Variants in GPR89A observed in about 807,000 individuals in gnomAD.
The protein encoded by GPR89A is G protein-coupled receptor 89A.
GPR89A carries 16 observed loss-of-function variants against 52.0 expected under a neutral mutation model. That is an observed-to-expected ratio of 0.31 (90% confidence interval 0.21 to 0.47). The LOEUF (loss-of-function observed/expected upper bound fraction) is 0.47, where lower values mean the gene tolerates loss of function less well. Ranked by LOEUF, GPR89A falls within the 20% of genes least tolerant of loss-of-function variation. The pLI is 1.00. For synonymous variants in GPR89A, 55 were observed against 150.9 expected (o/e 0.36, Z 4.66); for missense variants, 135 against 449.4 (o/e 0.30, Z 6.33).
At chr1:145,667,366 T>G (rs587691994) in intron 12 of GPR89A, among the ~76,000 whole-genome samples, 1 of 152,256 alleles carries the variant, frequency 6.6e-6, no homozygotes, top group Non-Finnish European at 1.5e-5. Context: ...ATGTGTCTGT[T>G]GGCTGCACAT....
chr1:145,665,853 G>A (rs1652518323), intron 12 of GPR89A, among the ~76,000 whole-genome samples: 1 of 149,390 alleles, frequency 6.7e-6, no homozygotes, highest in Admixed American at 6.7e-5. Context: ...AATTAGCTGG[G>A]TGTGGTGGCA....
chr1:145,645,982 C>T (rs1650957444), intron 8 of GPR89A: 1 of 651,388 alleles, frequency 1.5e-6, no homozygotes, highest in Non-Finnish European at 2.7e-6. Flanking sequence ...GGTGGCGATG[C>T]TCTTGATGGA....
intron 10 of GPR89A, among the ~76,000 whole-genome samples, chr1:145,660,915 A>G (rs1340818887): frequency 1.3e-5 from 2 of 151,846 alleles, no homozygotes; most frequent in African/African-American, 4.8e-5. Context: ...TCAGGGATCT[A>G]GAACTAGAAA....
At chr1:145,636,082 A>G (rs1268437229) in intron 7 of GPR89A, among the ~76,000 whole-genome samples, 5 of 152,116 alleles carry the variant, frequency 3.3e-5, no homozygotes, top group Non-Finnish European at 7.3e-5. Context: ...TTCCCCTATA[A>G]TGCATTGTCT....
Position 145,647,835 on chromosome 1 carries a change from T to C in GPR89A, c.909+568T>C, listed in dbSNP as rs1299821784. 6.0e-3 allele frequency among the ~76,000 whole-genome samples: 29 copies of C among 4,814 alleles called. 4 individuals are homozygous for C. Among genetic ancestry groups the C allele is most frequent in the Admixed American group, 0.016 (5 of 316 alleles). The allele number at this position is 4,814 out of a possible 152,430, so 3.2% of individuals were successfully genotyped here. On this transcript the variant is annotated intron_variant, in intron 10 of 13. Coordinates refer to ENST00000313835, the MANE Select transcript of GPR89A (RefSeq NM_001097612.2). ...TCTCTTCGTCGTCGTCGACTCTCTCTCTCTCTCTCCTCCTCCTCTCTCTCT... is the reference window on the plus strand; with the variant it reads ...TCTCTTCGTCGTCGTCGACTCTCTCCCTCTCTCTCCTCCTCCTCTCTCTCT...
At chr1:145,611,291 G>C (rs1331135906) in intron 1 of GPR89A, among the ~76,000 whole-genome samples, 1 of 151,340 alleles carries the variant, frequency 6.6e-6, no homozygotes, top group Non-Finnish European at 1.5e-5. Flanking sequence ...CGGTCACCCA[G>C]GTACTGAGCA....
chr1:145,650,005 G>T, intron 10 of GPR89A, among the ~76,000 whole-genome samples: 1 of 145,720 alleles, frequency 6.9e-6, no homozygotes. Context: ...TAAGTTCTGA[G>T]GTACATGTGC....
intron 1 of GPR89A, among the ~76,000 whole-genome samples, chr1:145,615,036 T>G (rs1341700800): frequency 6.6e-6 from 1 of 152,192 alleles, no homozygotes; most frequent in African/African-American, 2.4e-5. Context: ...CTAGCCAGTT[T>G]AAGAAGAAAA....
At chr1:145,646,010 G>A in intron 8 of GPR89A, 174 bp from the exon 9 acceptor site, 1 of 787,402 alleles carries the variant, frequency 1.3e-6, no homozygotes, top group Non-Finnish European at 2.1e-6. Context: ...TTACACACCT[G>A]CGTCAGAGGT....
chr1:145,650,221 T>C (rs1553693333), intron 10 of GPR89A, among the ~76,000 whole-genome samples: 1 of 150,566 alleles, frequency 6.6e-6, no homozygotes, highest in African/African-American at 2.4e-5. Flanking sequence ...CACTTATAAG[T>C]GAGAACATGT....
intron 3 of GPR89A, among the ~76,000 whole-genome samples, chr1:145,622,713 T>G (rs2101750587): frequency 7.9e-6 from 1 of 126,574 alleles, no homozygotes. Context: ...TACATTGGAA[T>G]GAGATTCCTA....
At position 145,608,146 on chromosome 1, in the gene GPR89A, A is replaced by G. The variant is rs1228562311; in HGVS notation, c.13A>G (p.Ile5Val). The G allele has an allele frequency of 6.2e-7, 1 of 1,613,376 alleles. No individual in the cohort carries two copies. Among genetic ancestry groups the G allele is most frequent in the African/African-American group, 1.3e-5 (1 of 74,494 alleles). ...CTTACACTTCGCCATGAGTTTCCTC[A>G]TCGACTCCAGCATCATGATTACCTC... Reference protein sequence around the residue: MSFLIDSSIMITSQI... With the variant: MSFLVDSSIMITSQI... The change falls in exon 1 of 14, where the codon ATC becomes GTC. Residue 5 changes from isoleucine (I) to valine (V), a missense_variant. Physicochemically the swap from Ile to Val is conservative, Grantham distance 29 (BLOSUM62 3). Transcript: ENST00000313835.
intron 5 of GPR89A, among the ~76,000 whole-genome samples, chr1:145,627,862 G>A (rs1157548679): frequency 0.02 from 2,927 of 147,716 alleles, 118 homozygotes; most frequent in African/African-American, 0.074. Flanking sequence ...AGAAGGCACA[G>A]GAGACATCAT....
chr1:145,635,576 G>A (rs1650178841), intron 7 of GPR89A, among the ~76,000 whole-genome samples: 1 of 152,124 alleles, frequency 6.6e-6, no homozygotes, highest in Non-Finnish European at 1.5e-5. Context: ...TTAAAAAGTA[G>A]AGCAAGATTA....
intron 10 of GPR89A, among the ~76,000 whole-genome samples, chr1:145,655,578 C>G (rs71665920): frequency 0.046 from 6,995 of 151,850 alleles, 447 homozygotes; most frequent in African/African-American, 0.16. Flanking sequence ...CATTTGTTGG[C>G]GGTCGAATCC....
At chr1:145,661,712 CTT>C (rs1652214500) in intron 10 of GPR89A, among the ~76,000 whole-genome samples, 1 of 150,896 alleles carries the variant, frequency 6.6e-6, no homozygotes, top group South Asian at 2.1e-4. Flanking sequence ...TTTTGAGTCT[CTT>C]TTTCTAATTT....
intron 7 of GPR89A, among the ~76,000 whole-genome samples, chr1:145,635,913 T>G (rs1389394753): frequency 2.0e-5 from 3 of 151,642 alleles, no homozygotes; most frequent in Non-Finnish European, 4.4e-5. Flanking sequence ...GAGCCGAGAT[T>G]ACACCACTGC....
At chr1:145,626,892 G>T (rs1336544547) in intron 5 of GPR89A, among the ~76,000 whole-genome samples, 2 of 141,936 alleles carry the variant, frequency 1.4e-5, no homozygotes, top group Non-Finnish European at 3.0e-5. Context: ...GGCTGAGGTT[G>T]CAGTGAGCCG....
intron 10 of GPR89A, among the ~76,000 whole-genome samples, chr1:145,649,154 G>A (rs1452613082): frequency 2.0e-5 from 3 of 151,980 alleles, no homozygotes; most frequent in Non-Finnish European, 2.9e-5. Flanking sequence ...TATGTAAACC[G>A]AACATATATT....
Sources: gnomAD v4.1 joint callset for allele counts (sites outside exome capture counted in the v4.1 genomes callset) on GRCh38, gnomAD v4.1.1 for gene constraint, MANE v1.5 for transcripts, NCBI Gene and HGNC (gene_info 2026-07-23, HGNC 2026-07-21) for gene names.